The following MCUB variants were observed in gnomAD, a reference collection of about 807,000 sequenced individuals.
The protein encoded by MCUB is calcium uniporter regulatory subunit MCUb, mitochondrial.
Under a neutral mutation model 41.4 loss-of-function variants are expected in MCUB, and 46 were observed. The ratio of observed to expected loss-of-function variants is 1.11; its 90% CI spans 0.88 to 1.42. The LOEUF is 1.42. Ranked by LOEUF, MCUB falls within the 40% of genes most tolerant of loss-of-function variation. The pLI, the probability that MCUB is intolerant of heterozygous loss-of-function variation, is 0.00. For synonymous variants in MCUB, 148 were observed against 148.2 expected (o/e 1.00, Z 0.01); for missense variants, 403 against 404.9 (o/e 1.00, Z 0.04).
At chr4:109,628,980 A>G (rs1167318867) in intron 1 of MCUB, among the ~76,000 whole-genome samples, 1 of 152,174 alleles carries the variant, frequency 6.6e-6, no homozygotes, top group Non-Finnish European at 1.5e-5. Context: ...CCGAAGAGTG[A>G]AATGTTTGGA....
intron 4 of MCUB, among the ~76,000 whole-genome samples, chr4:109,671,406 GT>G (rs1231321796): frequency 6.6e-6 from 1 of 151,688 alleles, no homozygotes; most frequent in African/African-American, 2.4e-5. Context: ...ATTTTGTTAG[GT>G]TTTTTTTCCA....
intron 1 of MCUB, among the ~76,000 whole-genome samples, chr4:109,612,352 C>T (rs977815541): frequency 4.6e-5 from 7 of 151,332 alleles, no homozygotes; most frequent in Non-Finnish European, 1.0e-4. Flanking sequence ...CTGCAACCAC[C>T]ACCTCCCAGG....
At chr4:109,667,024 C>T (rs540778380) in intron 4 of MCUB, among the ~76,000 whole-genome samples, 13 of 152,112 alleles carry the variant, frequency 8.5e-5, no homozygotes, top group East Asian at 3.9e-4. Flanking sequence ...TCTATATTCA[C>T]GAGAGATATT....
intron 1 of MCUB, among the ~76,000 whole-genome samples, chr4:109,658,489 G>C (rs538993119): frequency 6.6e-6 from 1 of 152,164 alleles, no homozygotes; most frequent in South Asian, 2.1e-4. Flanking sequence ...TGGAGACAGG[G>C]TTTCTCCATG....
At chr4:109,587,101 G>A (rs917492822) in intron 1 of MCUB, among the ~76,000 whole-genome samples, 5 of 152,236 alleles carry the variant, frequency 3.3e-5, no homozygotes, top group African/African-American at 7.2e-5. Flanking sequence ...GCTGAGCTGC[G>A]GTGGGCTCTG....
chr4:109,627,025 A>G (rs1728376208), intron 1 of MCUB, among the ~76,000 whole-genome samples: 1 of 152,248 alleles, frequency 6.6e-6, no homozygotes. Context: ...AGGACAAAAT[A>G]TAGGCATTAA....
intron 1 of MCUB, among the ~76,000 whole-genome samples, chr4:109,569,240 G>A (rs952899338): frequency 3.3e-5 from 5 of 151,690 alleles, no homozygotes; most frequent in African/African-American, 7.3e-5. Flanking sequence ...TAGAGACGGG[G>A]TTTCACCATG....
At chr4:109,674,448 C>T (rs1729529294) in intron 4 of MCUB, among the ~76,000 whole-genome samples, 1 of 152,200 alleles carries the variant, frequency 6.6e-6, no homozygotes, top group South Asian at 2.1e-4. Flanking sequence ...CCTGAAGGTA[C>T]TCCCAGTTTG....
chr4:109,646,330 C>G (rs1370007541), intron 1 of MCUB, among the ~76,000 whole-genome samples: 1 of 152,170 alleles, frequency 6.6e-6, no homozygotes, highest in African/African-American at 2.4e-5. Flanking sequence ...CAGTAACTGA[C>G]TCACCATCTC....
intron 1 of MCUB, among the ~76,000 whole-genome samples, chr4:109,657,905 G>A (rs1355622700): frequency 6.6e-6 from 1 of 152,244 alleles, no homozygotes; most frequent in Non-Finnish European, 1.5e-5. Flanking sequence ...GCTTTTCAGT[G>A]AGATAGCCAT....
At chr4:109,674,769 ATATAT>A (rs1269672278) in intron 4 of MCUB, among the ~76,000 whole-genome samples, 1 of 152,254 alleles carries the variant, frequency 6.6e-6, no homozygotes, top group Non-Finnish European at 1.5e-5. Flanking sequence ...TTTGCTGCTG[ATATAT>A]TAGAATAATT....
intron 1 of MCUB, among the ~76,000 whole-genome samples, chr4:109,593,418 T>C (rs1727484471): frequency 6.6e-6 from 1 of 152,218 alleles, no homozygotes; most frequent in Non-Finnish European, 1.5e-5. Context: ...TAAGCCCCAC[T>C]TGATGCAGCC....
At chr4:109,676,309 C>T (rs576621989) in intron 4 of MCUB, among the ~76,000 whole-genome samples, 16 of 152,116 alleles carry the variant, frequency 1.1e-4, no homozygotes, top group African/African-American at 1.9e-4. Context: ...GAGGCTGAGG[C>T]GGGTGGATCA....
chr4:109,596,616 A>G (rs1475839863), intron 1 of MCUB, among the ~76,000 whole-genome samples: 2 of 150,796 alleles, frequency 1.3e-5, no homozygotes, highest in African/African-American at 4.9e-5. Flanking sequence ...TCCCCATATC[A>G]CTCTCTAGTG....
At chr4:109,685,039 C>T (rs182633644) in intron 6 of MCUB, 30 of 415,662 alleles carry the variant, frequency 7.2e-5, no homozygotes, top group Non-Finnish European at 8.5e-5. Flanking sequence ...AATTTCTCTT[C>T]CCAGCTTGCC....
At chr4:109,676,539 C>T (rs1043342711) in intron 4 of MCUB, among the ~76,000 whole-genome samples, 15 of 152,154 alleles carry the variant, frequency 9.9e-5, no homozygotes, top group African/African-American at 1.4e-4. Context: ...CATGACAATA[C>T]AGGCTTTTTC....
At chr4:109,625,153 T>A (rs2126136454) in intron 1 of MCUB, among the ~76,000 whole-genome samples, 1 of 151,890 alleles carries the variant, frequency 6.6e-6, no homozygotes, top group South Asian at 2.1e-4. Flanking sequence ...AAACAAAAAA[T>A]TTAAAATTTA....
intron 1 of MCUB, among the ~76,000 whole-genome samples, chr4:109,601,352 T>TG (rs902187489): frequency 3.9e-5 from 6 of 152,224 alleles, no homozygotes; most frequent in African/African-American, 1.2e-4. Context: ...TCTAACTTTT[T>TG]GGGGGGGTAC....
rs376484857 is a variant in MCUB, at chr4:109,654,998, A to G, written c.100-4013A>G. On this transcript the variant is annotated intron_variant, in intron 1 of 7. Coordinates refer to ENST00000394650, the MANE Select transcript of MCUB (RefSeq NM_017918.5). The stretch of plus-strand genomic sequence containing the variant: ...ACAAGACTGTCCCACTTAAGATGCC[A>G]ATTATAAGTCCTGGGCCTCTCATGT... Among the ~76,000 whole-genome samples, 188 of 152,252 alleles carry G rather than the reference A, an allele frequency of 1.2e-3. 8 individuals carry two copies. The South Asian group carries it at 0.039, about 31-fold the overall frequency.
Sources: allele counts gnomAD v4.1 joint callset (sites outside exome capture counted in the v4.1 genomes callset), GRCh38; gene constraint gnomAD v4.1.1; transcripts MANE v1.5; gene names NCBI Gene and HGNC (gene_info 2026-07-23, HGNC 2026-07-21).